ZSWIM5: variants seen among roughly 807,000 people sequenced by gnomAD.
The protein encoded by ZSWIM5 is zinc finger SWIM-type containing 5, also known as zinc finger SWIM domain-containing protein 5.
In ZSWIM5, 55 loss-of-function variants were observed where a neutral mutation model predicts 119.6. That is an observed-to-expected ratio of 0.46 (90% CI 0.37 to 0.58). The LOEUF (loss-of-function observed/expected upper bound fraction) is 0.58, where lower values mean the gene tolerates loss of function less well. Ranked by LOEUF, ZSWIM5 falls within the 20% of genes least tolerant of loss-of-function variation. The probability of loss-of-function intolerance (pLI) is 0.00; values close to 1 mark genes in which losing one functional copy is unlikely to be tolerated. For synonymous variants in ZSWIM5, 537 were observed against 606.9 expected, an observed-to-expected ratio of 0.88 and a Z score of 1.69; for missense variants, 1,193 against 1,512.8, an observed-to-expected ratio of 0.79 and a Z score of 3.51.
At chr1:45,091,491 TAAA>T (rs35089745) in intron 1 of ZSWIM5, among the ~76,000 whole-genome samples, 68 of 104,312 alleles carry the variant, frequency 6.5e-4, no homozygotes, top group Non-Finnish European at 8.0e-4. Context: ...ACCCTGTCTC[TAAA>T]AAAAAAAAAA....
In ZSWIM5 at chr1:45,205,759, C is replaced by T; in HGVS notation, c.592G>A (p.Val198Ile). 1 of 1,567,052 alleles carries T rather than the reference C, an allele frequency of 6.4e-7. No homozygotes were observed. Among genetic ancestry groups the T allele is most frequent in the Non-Finnish European group, 8.6e-7 (1 of 1,161,582 alleles). Residue 198 changes from valine to isoleucine, a missense_variant, in exon 1 of 14, where the codon GTC becomes ATC. Around this residue, in one of 2 missense-constraint regions of ZSWIM5, gnomAD observed 961 missense variants for 1,290.0 expected, o/e 0.74. Coordinates refer to ENST00000359600, the MANE Select transcript of ZSWIM5 (RefSeq NM_020883.2). The stretch of plus-strand genomic sequence containing the variant: ...GAACGCCTGGACGAGCACATACCGA[C>T]TTGCAGCACGTTCTCCACGGAGCCG... Reference protein sequence around the residue: ...DSGSVENVLQVGFHLSGTVTE... With the variant: ...DSGSVENVLQIGFHLSGTVTE...
intron 11 of ZSWIM5, among the ~76,000 whole-genome samples, chr1:45,025,675 A>G (rs1165348256): frequency 6.6e-6 from 1 of 152,146 alleles, no homozygotes; most frequent in African/African-American, 2.4e-5. Flanking sequence ...TATACTGCAA[A>G]CTTGCTATAA....
intron 1 of ZSWIM5, among the ~76,000 whole-genome samples, chr1:45,096,494 A>G (rs573666961): frequency 7.0e-4 from 98 of 139,990 alleles, no homozygotes; most frequent in Middle Eastern, 7.8e-3. Context: ...GTTTTTAAAG[A>G]AAATGGACAA....
chr1:45,180,100 G>A (rs567289721), intron 1 of ZSWIM5, among the ~76,000 whole-genome samples: 12 of 152,278 alleles, frequency 7.9e-5, no homozygotes, highest in South Asian at 2.1e-4. Context: ...TGGGTGCAGC[G>A]CACTGTGCGC....
chr1:45,077,634 G>C (rs1645263446), intron 2 of ZSWIM5, among the ~76,000 whole-genome samples: 2 of 152,174 alleles, frequency 1.3e-5, no homozygotes, highest in South Asian at 4.1e-4. Flanking sequence ...AGATCAACTG[G>C]TCTGACCAAA....
intron 11 of ZSWIM5, among the ~76,000 whole-genome samples, chr1:45,030,798 C>CTTTTTTTT: frequency 7.5e-6 from 1 of 133,102 alleles, no homozygotes; most frequent in Non-Finnish European, 1.6e-5. Context: ...TTCATTCTTT[C>CTTTTTTTT]TTTTTTTTTT....
At chr1:45,092,071 G>T (rs1420600695) in intron 1 of ZSWIM5, among the ~76,000 whole-genome samples, 2 of 152,138 alleles carry the variant, frequency 1.3e-5, no homozygotes, top group Admixed American at 1.3e-4. Flanking sequence ...GTTCTATAGT[G>T]ACTATCACTG....
At chr1:45,191,189 T>A (rs1163250988) in intron 1 of ZSWIM5, among the ~76,000 whole-genome samples, 1 of 152,018 alleles carries the variant, frequency 6.6e-6, no homozygotes, top group Non-Finnish European at 1.5e-5. Context: ...CGCCTCGGCC[T>A]CCCAAAGTGC....
At chr1:45,054,629 A>G (rs2148998627) in intron 4 of ZSWIM5, among the ~76,000 whole-genome samples, 1 of 151,866 alleles carries the variant, frequency 6.6e-6, no homozygotes, top group Admixed American at 6.6e-5. Flanking sequence ...CTCAAAGCAA[A>G]GGTAGCTACT....
intron 2 of ZSWIM5, among the ~76,000 whole-genome samples, chr1:45,066,022 C>T (rs1645181468): frequency 8.3e-6 from 1 of 121,094 alleles, no homozygotes; most frequent in Admixed American, 9.1e-5. Flanking sequence ...CTCCCCCCAC[C>T]CCACAACAGT....
chr1:45,136,406 C>T (rs1030370668), intron 1 of ZSWIM5, among the ~76,000 whole-genome samples: 4 of 152,104 alleles, frequency 2.6e-5, no homozygotes, highest in East Asian at 1.9e-4. Context: ...CCACCGCATC[C>T]GGCCCATTTG....
rs1644872921 is a variant in ZSWIM5 at position 45,019,218 on chromosome 1, T to A, written c.2794A>T (p.Thr932Ser). The part of the protein sequence containing the change: ...IVAATAVSHT[T>S]ILRLSLDYPQ... Reference sequence around the variant, plus strand: ...TAGTCAAGACTGAGGCGCAGGATAGTGGTGTGGGATACGGCTGTGGCAGCT... The same window carrying A: ...TAGTCAAGACTGAGGCGCAGGATAGAGGTGTGGGATACGGCTGTGGCAGCT... The change falls in exon 14 of 14, where the codon ACT becomes TCT. Residue 932 changes from threonine (T) to serine (S), a missense_variant. Transcript: ENST00000359600. The surrounding 1 kb of genome is among the most constrained non-coding windows in gnomAD (Gnocchi z 5.0). 6.2e-7 allele frequency: 1 copy of A among 1,613,326 alleles called. No individual in the cohort carries two copies. The highest frequency in any genetic ancestry group is 1.3e-5 in the African/African-American group (1 of 74,806).
chr1:45,068,561 C>T (rs1319642296), intron 2 of ZSWIM5, among the ~76,000 whole-genome samples: 1 of 151,768 alleles, frequency 6.6e-6, no homozygotes, highest in African/African-American at 2.4e-5. Flanking sequence ...TTTTCTCTAC[C>T]TCAAGGACAT....
chr1:45,067,171 C>T (rs970288466), intron 2 of ZSWIM5, among the ~76,000 whole-genome samples: 5 of 152,146 alleles, frequency 3.3e-5, no homozygotes, highest in African/African-American at 1.2e-4. Flanking sequence ...GGCACAGTGG[C>T]TCATGCCTGT....
intron 2 of ZSWIM5, among the ~76,000 whole-genome samples, chr1:45,065,969 G>A (rs1458579072): frequency 6.6e-6 from 1 of 151,380 alleles, no homozygotes; most frequent in Non-Finnish European, 1.5e-5. Flanking sequence ...CCATTAACTC[G>A]TCATTTAGTA....
In ZSWIM5 at chr1:45,183,873, G is replaced by A. The variant is rs981761532; in HGVS notation, c.595+21883C>T. 4.0e-4 allele frequency among the ~76,000 whole-genome samples: 61 copies of A among 152,182 alleles called. 1 individual carries two copies. The highest frequency in any genetic ancestry group is 4.4e-5 in the Non-Finnish European group (3 of 68,042). On this transcript the variant is annotated intron_variant, in intron 1 of 13. Transcript: ENST00000359600. ...GAAACTATTCCAATCAATAGAAAAA[G>A]AGGGAATCCTCCCTAACTCATTTTA...
intron 1 of ZSWIM5, among the ~76,000 whole-genome samples, chr1:45,136,021 T>A (rs1645686993): frequency 6.6e-6 from 1 of 152,100 alleles, no homozygotes; most frequent in African/African-American, 2.4e-5. Context: ...CCATCACGCC[T>A]GGCTAATTTT....
chr1:45,045,430 A>T (rs552618894), intron 5 of ZSWIM5, among the ~76,000 whole-genome samples: 2 of 152,336 alleles, frequency 1.3e-5, no homozygotes, highest in African/African-American at 4.8e-5. Flanking sequence ...AAAGAACTTA[A>T]CATATTCAAC....
chr1:45,166,157 T>C (rs1186762066), intron 1 of ZSWIM5, among the ~76,000 whole-genome samples: 1 of 152,104 alleles, frequency 6.6e-6, no homozygotes. Context: ...GCAAAGCTGG[T>C]TCAACATATG....
Sources: allele counts gnomAD v4.1 joint callset (sites outside exome capture counted in the v4.1 genomes callset), GRCh38; gene constraint gnomAD v4.1.1; regional missense constraint gnomAD v4.1.1; non-coding constraint Gnocchi (gnomAD v3.1); transcripts MANE v1.5; gene names NCBI Gene and HGNC (gene_info 2026-07-23, HGNC 2026-07-21).